Variants in CEP89 observed in about 807,000 individuals in gnomAD.
CEP89 encodes the protein centrosomal protein 89, also known as centrosomal protein of 89 kDa.
CEP89 carries 95 observed loss-of-function variants against 97.6 expected under a neutral mutation model. The observed-to-expected ratio is 0.97, with a 90% CI of 0.82 to 1.15. The LOEUF (loss-of-function observed/expected upper bound fraction) is 1.15. Ranked by LOEUF, CEP89 falls within the 50% of genes most tolerant of loss-of-function variation. CEP89 has a pLI of 0.00. For missense variants in CEP89, 869 were observed against 947.7 expected, an observed-to-expected ratio of 0.92 and a Z score of 1.09; for synonymous variants, 354 against 349.1, an observed-to-expected ratio of 1.01 and a Z score of -0.16.
intron 4 of CEP89, among the ~76,000 whole-genome samples, chr19:32,952,570 G>A (rs1319653673): frequency 6.6e-6 from 1 of 151,860 alleles, no homozygotes; most frequent in Non-Finnish European, 1.5e-5. Flanking sequence ...TGGTCTATAT[G>A]TACAGACACT....
chr19:32,920,100 C>T (rs2145913770), intron 12 of CEP89, among the ~76,000 whole-genome samples: 1 of 152,320 alleles, frequency 6.6e-6, no homozygotes, highest in South Asian at 2.1e-4. Flanking sequence ...TACAGTGGCG[C>T]CATCAGAGCT....
chr19:32,891,433 A>G (rs1969515730), intron 16 of CEP89, among the ~76,000 whole-genome samples: 1 of 152,242 alleles, frequency 6.6e-6, no homozygotes, highest in South Asian at 2.1e-4. Flanking sequence ...GAAATCAATG[A>G]AAGGACATAA....
chr19:32,939,851 T>A lies in CEP89; in HGVS notation c.624+6A>T. On this transcript the variant is annotated splice_donor_region_variant and intron_variant, in intron 6 of 18. Transcript: ENST00000305768. ...GAAAATCAGTTTTTAAAAAAAATGA[T>A]CTTACCTTTAAATTCAGAACAGGGT... 8.2e-7 allele frequency: 1 copy of A among 1,217,356 alleles called. No homozygotes were observed. The highest frequency in any genetic ancestry group is 1.2e-6 in the Non-Finnish European group (1 of 847,686). The allele number at this position is 1,217,356 out of a possible 1,614,324, so 75.4% of individuals were successfully genotyped here.
intron 16 of CEP89, among the ~76,000 whole-genome samples, chr19:32,895,996 G>A (rs1374659736): frequency 2.6e-5 from 4 of 152,206 alleles, no homozygotes. Flanking sequence ...GACATCCCAT[G>A]ATCATGGATG....
At chr19:32,883,675 AAAAC>A (rs1256711024) in intron 17 of CEP89, among the ~76,000 whole-genome samples, 7 of 152,308 alleles carry the variant, frequency 4.6e-5, no homozygotes, top group South Asian at 4.1e-4. Context: ...ACTCTGTCTA[AAAAC>A]AAACAAACAA....
chr19:32,889,416 G>A (rs985539005), intron 16 of CEP89, among the ~76,000 whole-genome samples: 3 of 152,162 alleles, frequency 2.0e-5, no homozygotes, highest in East Asian at 1.9e-4. Flanking sequence ...CTACATTTCC[G>A]CTTTGACTCT....
chr19:32,962,621 G>C (rs62125057), intron 2 of CEP89, among the ~76,000 whole-genome samples: 3 of 152,088 alleles, frequency 2.0e-5, no homozygotes, highest in Admixed American at 2.0e-4. Flanking sequence ...TTGTAAGCTG[G>C]ACTTCATAAA....
intron 3 of CEP89, among the ~76,000 whole-genome samples, chr19:32,955,580 C>T (rs1174127614): frequency 6.6e-6 from 1 of 152,090 alleles, no homozygotes; most frequent in East Asian, 1.9e-4. Context: ...GTGGCGCGAT[C>T]TCAGTGCACT....
intron 8 of CEP89, among the ~76,000 whole-genome samples, chr19:32,933,164 G>C (rs1173713219): frequency 6.6e-6 from 1 of 152,118 alleles, no homozygotes; most frequent in Non-Finnish European, 1.5e-5. Context: ...GATAAAAACT[G>C]AAGTGAAATA....
At chr19:32,971,492 C>T in intron 1 of CEP89, 1 of 546,124 alleles carries the variant, frequency 1.8e-6, no homozygotes, top group Non-Finnish European at 3.2e-6. Context: ...CCTGTTTCCA[C>T]AAAAATATTG....
chr19:32,971,748 T>G (rs1203673053), intron 1 of CEP89, 88 bp downstream of exon 1: 1 of 1,388,686 alleles, frequency 7.2e-7, no homozygotes, highest in Non-Finnish European at 1.0e-6. Flanking sequence ...TGACTGGATC[T>G]CAGGCCAAAC....
At chr19:32,930,571 C>T (rs191922453) in intron 9 of CEP89, among the ~76,000 whole-genome samples, 125 of 152,198 alleles carry the variant, frequency 8.2e-4, no homozygotes, top group African/African-American at 2.9e-3. Flanking sequence ...CACCGTGTGC[C>T]TTCCCGCCTT....
At chr19:32,971,628 G>A in intron 1 of CEP89, 2 of 612,294 alleles carry the variant, frequency 3.3e-6, no homozygotes, top group Non-Finnish European at 2.9e-6. Flanking sequence ...CTGCACTCTA[G>A]CCTGGGCGAC....
At chr19:32,911,827 A>G (rs1424178920) in intron 14 of CEP89, among the ~76,000 whole-genome samples, 1 of 152,202 alleles carries the variant, frequency 6.6e-6, no homozygotes, top group African/African-American at 2.4e-5. Flanking sequence ...TTGGAGAGAA[A>G]CAGAAGTCAA....
chr19:32,888,031 A>C (rs1969436461), intron 16 of CEP89, among the ~76,000 whole-genome samples, 190 bp from the exon 17 acceptor site: 1 of 152,232 alleles, frequency 6.6e-6, no homozygotes, highest in Non-Finnish European at 1.5e-5. Flanking sequence ...GGGCAGGAAC[A>C]GGGCATGTGG....
chr19:32,937,413 C>A, intron 7 of CEP89: 1 of 523,390 alleles, frequency 1.9e-6, no homozygotes, highest in Middle Eastern at 5.3e-4. Context: ...AGGTCCACGT[C>A]CCCCCAGGTC....
rs138753622 is a variant in CEP89 at position 32,933,464 on chromosome 19, C to T, written c.873G>A (p.Ala291=). 3.9e-4 allele frequency: 624 copies of T among 1,613,616 alleles called. 2 individuals are homozygous for T. The highest frequency in any genetic ancestry group is 4.8e-4 in the Non-Finnish European group (561 of 1,179,828). The part of the protein sequence containing the change: ...EKRKLKEAEK[A]SSQEVAAPEL... ...GTCTGTCCCCACCTTCCTGTGACGA[C>T]GCCTTCTCAGCCTCTTTGAGCTTTC... Residue 291 remains alanine, a synonymous_variant, in exon 8 of 19, where the codon GCG becomes GCA. Transcript: ENST00000305768.
chr19:32,925,676 C>T (rs766160344), intron 11 of CEP89, among the ~76,000 whole-genome samples: 55 of 151,920 alleles, frequency 3.6e-4, no homozygotes, highest in Non-Finnish European at 4.7e-4. Flanking sequence ...TTAGTAGAGA[C>T]GGGGTTTCAC....
At chr19:32,965,060 C>T (rs188056834) in intron 2 of CEP89, among the ~76,000 whole-genome samples, 1 of 152,180 alleles carries the variant, frequency 6.6e-6, no homozygotes, top group Non-Finnish European at 1.5e-5. Flanking sequence ...CATGCACCAT[C>T]ATGCTCAGAT....
Sources: gnomAD v4.1 joint callset for allele counts (sites outside exome capture counted in the v4.1 genomes callset) on GRCh38, gnomAD v4.1.1 for gene constraint, MANE v1.5 for transcripts, NCBI Gene and HGNC (gene_info 2026-07-23, HGNC 2026-07-21) for gene names.